The following CCNE2 variants were observed in gnomAD, a reference collection of about 807,000 sequenced individuals.
CCNE2 encodes cyclin E2, also known as G1/S-specific cyclin-E2.
Under a neutral mutation model 56.8 loss-of-function variants are expected in CCNE2, and 18 were observed. The ratio of observed to expected loss-of-function variants is 0.32; its 90% CI spans 0.22 to 0.47. The LOEUF (loss-of-function observed/expected upper bound fraction) is 0.47. Ranked by LOEUF, CCNE2 falls within the 20% of genes least tolerant of loss-of-function variation. The pLI, the probability that CCNE2 is intolerant of heterozygous loss-of-function variation, is 1.00. For synonymous variants in CCNE2, 139 were observed against 149.2 expected (o/e 0.93, Z 0.50); for missense variants, 371 against 467.1 (o/e 0.79, Z 1.90).
In CCNE2 at chr8:94,881,740, T is replaced by A; in HGVS notation, c.1107A>T (p.Glu369Asp). The change falls in exon 12 of 12, where the codon GAA becomes GAT. Residue 369 changes from glutamate (E) to aspartate (D), a missense_variant. By Grantham distance (45) the Glu-to-Asp change is conservative. Transcript: ENST00000308108. ...TTCTGAAGGTGTTTATGTAATTTAC[T>A]TCCTCCTATACATGGGAAGAAATCA... Reference protein sequence around the residue: ...THTNYLAMLEEVNYINTFRKG... With the variant: ...THTNYLAMLEDVNYINTFRKG... 1 of 1,613,840 alleles carries A rather than the reference T, an allele frequency of 6.2e-7. No homozygotes were observed. Among genetic ancestry groups the A allele is most frequent in the Non-Finnish European group, 8.5e-7 (1 of 1,179,836 alleles).
rs745852600 is a variant in CCNE2, at chr8:94,892,970, C to G, written c.166-1G>C. The G allele has an allele frequency of 6.5e-7, 1 of 1,526,784 alleles. No homozygotes were observed. Among genetic ancestry groups the G allele is most frequent in the Non-Finnish European group, 8.7e-7 (1 of 1,150,620 alleles). 94.6% of individuals were successfully genotyped at this position (1,526,784 alleles called of 1,614,324 possible). A position where few individuals can be genotyped will look rare whatever the true frequency, so the allele number is the denominator to read the frequency against. ...CAGATAATACAGGTGGCCAACAATT[C>G]TGTCATAAAAAAAAAGAAAAATATC... is the stretch of plus-strand genomic sequence containing the variant. On this transcript the variant is annotated splice_acceptor_variant, in intron 4 of 11. Transcript: ENST00000308108. LOFTEE classifies it high-confidence loss of function.
At chr8:94,892,354 T>C (rs1301408021) in intron 5 of CCNE2, among the ~76,000 whole-genome samples, 1 of 152,210 alleles carries the variant, frequency 6.6e-6, no homozygotes, top group Non-Finnish European at 1.5e-5. Context: ...CATAAATTAA[T>C]ACAGTACATG....
chr8:94,881,606 C>A lies in CCNE2; in HGVS notation c.*26G>T. ...CAGTTCTACCCAATCTTGGTGAATTCCAACTTGTTTGCTTAGTTATCTTCT... is the reference window on the plus strand; with the variant it reads ...CAGTTCTACCCAATCTTGGTGAATTACAACTTGTTTGCTTAGTTATCTTCT... On this transcript the variant is annotated 3_prime_UTR_variant, in exon 12 of 12. Coordinates refer to ENST00000308108, the MANE Select transcript of CCNE2 (RefSeq NM_057749.3). 1.2e-6 allele frequency: 2 copies of A among 1,609,704 alleles called. No homozygotes were observed. The highest frequency in any genetic ancestry group is 1.7e-6 in the Non-Finnish European group (2 of 1,178,490).
At chr8:94,891,846 A>G in intron 5 of CCNE2, 2 of 1,529,724 alleles carry the variant, frequency 1.3e-6, no homozygotes, top group Admixed American at 1.7e-5. Flanking sequence ...TTAAAAATGC[A>G]GAGAGTAATG....
In CCNE2 at chr8:94,880,666, CT is replaced by C; in HGVS notation, c.*965del. 1 of 391,948 alleles carries C rather than the reference CT, an allele frequency of 2.6e-6. No individual in the cohort carries two copies. Among genetic ancestry groups the C allele is most frequent in the Non-Finnish European group, 4.5e-6 (1 of 222,696 alleles). 24.3% of individuals were successfully genotyped at this position (391,948 alleles called of 1,614,324 possible). On this transcript the variant is annotated 3_prime_UTR_variant, in exon 12 of 12. Transcript: ENST00000308108. ...ATAGAAGTTTAGGTCAAGTGTTAAG[CT>C]TTATCACTTTGACACTGTCCTTATC...
In CCNE2 at chr8:94,880,618, T is replaced by TAATA; in HGVS notation, c.*1010_*1013dup. 2.7e-6 allele frequency: 1 copy of TAATA among 367,062 alleles called. No homozygotes were observed. Among genetic ancestry groups the TAATA allele is most frequent in the Non-Finnish European group, 4.8e-6 (1 of 208,046 alleles). The allele number at this position is 367,062 out of a possible 1,614,324, so 22.7% of individuals were successfully genotyped here. A position where few individuals can be genotyped will look rare whatever the true frequency, so the allele number is the denominator to read the frequency against. On this transcript the variant is annotated 3_prime_UTR_variant, in exon 12 of 12. Transcript: ENST00000308108. ...AGATTTCTAGGAGTCAGTATATATTTAATACTCTTCTTCCTTAAGAAAATA... is the reference window on the plus strand; with the variant it reads ...AGATTTCTAGGAGTCAGTATATATTTAATAAATACTCTTCTTCCTTAAGAAAATA...
chr8:94,893,729 A>G (rs1482046861), intron 4 of CCNE2, 162 bp downstream of exon 4: 6 of 702,554 alleles, frequency 8.5e-6, no homozygotes, highest in African/African-American at 1.8e-5. Flanking sequence ...ATTCGGGCAC[A>G]TAGAAACCAC....
intron 9 of CCNE2, 61 bp downstream of exon 9, chr8:94,885,006 A>G (rs1033475813): frequency 1.4e-6 from 2 of 1,471,970 alleles, no homozygotes; most frequent in Admixed American, 1.8e-5. Flanking sequence ...ATTTAAGACT[A>G]TATATACACT....
At position 94,880,591 on chromosome 8, in the gene CCNE2, A is replaced by G; in HGVS notation, c.*1041T>C. 2.9e-6 allele frequency: 1 copy of G among 340,908 alleles called. No individual in the cohort carries two copies. Among genetic ancestry groups the G allele is most frequent in the Non-Finnish European group, 5.2e-6 (1 of 192,460 alleles). 21.1% of individuals were successfully genotyped at this position (340,908 alleles called of 1,614,324 possible). On this transcript the variant is annotated 3_prime_UTR_variant, in exon 12 of 12. Coordinates refer to ENST00000308108, the MANE Select transcript of CCNE2 (RefSeq NM_057749.3). ...AAGTTTTCATGTCTTTTTTTAATAA[A>G]TAGATTTCTAGGAGTCAGTATATAT...
intron 4 of CCNE2, among the ~76,000 whole-genome samples, chr8:94,893,244 T>C (rs1265350799): frequency 2.0e-5 from 3 of 151,188 alleles, no homozygotes; most frequent in Admixed American, 1.3e-4. Context: ...ACAAAATGCA[T>C]CTGCAGTCTA....
chr8:94,881,190 C>G lies in CCNE2; in HGVS notation c.*442G>C. On this transcript the variant is annotated 3_prime_UTR_variant, in exon 12 of 12. Coordinates refer to ENST00000308108, the MANE Select transcript of CCNE2 (RefSeq NM_057749.3). ...TTTAATTTTCAAGAACCAAATTGCACTAGTCAAGAGTGTAGGAATTTTGAG... is the reference window on the plus strand; with the variant it reads ...TTTAATTTTCAAGAACCAAATTGCAGTAGTCAAGAGTGTAGGAATTTTGAG... 5.3e-6 allele frequency: 2 copies of G among 379,864 alleles called. No homozygotes were observed. Among genetic ancestry groups the G allele is most frequent in the Non-Finnish European group, 9.3e-6 (2 of 214,820 alleles). The allele number at this position is 379,864 out of a possible 1,614,324, so 23.5% of individuals were successfully genotyped here. A position where few individuals can be genotyped will look rare whatever the true frequency, so the allele number is the denominator to read the frequency against.
intron 9 of CCNE2, chr8:94,883,828 T>C: frequency 2.2e-6 from 1 of 454,510 alleles, no homozygotes; most frequent in Non-Finnish European, 4.4e-6. Flanking sequence ...AAGGGGTAGA[T>C]TTCACAGATT....
Position 94,880,754 on chromosome 8 carries a change from C to A in CCNE2, c.*878G>T. On this transcript the variant is annotated 3_prime_UTR_variant, in exon 12 of 12. Transcript: ENST00000308108. ...TCACAAACATAAATAAAGCCTTAGT[C>A]ACACTAAATTAAAAAAAAAAATTCC... 3 of 396,870 alleles carry A rather than the reference C, an allele frequency of 7.6e-6. No homozygotes were observed. In the South Asian group the frequency reaches 4.1e-4, roughly 54 times the overall value. 24.6% of individuals were successfully genotyped at this position (396,870 alleles called of 1,614,324 possible).
At chr8:94,892,231 G>T in intron 5 of CCNE2, 1 of 365,398 alleles carries the variant, frequency 2.7e-6, no homozygotes, top group Non-Finnish European at 5.2e-6. Context: ...CCTCTAAATA[G>T]ATCATCTACA....
chr8:94,880,559 G>A lies in CCNE2; in HGVS notation c.*1073C>T, dbSNP rs561375160. 2 of 314,432 alleles carry A rather than the reference G, an allele frequency of 6.4e-6. No individual in the cohort carries two copies. Among genetic ancestry groups the A allele is most frequent in the Admixed American group, 4.8e-5 (1 of 20,710 alleles). The allele number at this position is 314,432 out of a possible 1,614,324, so 19.5% of individuals were successfully genotyped here. On this transcript the variant is annotated 3_prime_UTR_variant, in exon 12 of 12. Coordinates refer to ENST00000308108, the MANE Select transcript of CCNE2 (RefSeq NM_057749.3). ...AAATATTTAGAAATAGCTAGCCTATGTACAGCAAGTTTTCATGTCTTTTTT... is the reference window on the plus strand; with the variant it reads ...AAATATTTAGAAATAGCTAGCCTATATACAGCAAGTTTTCATGTCTTTTTT...
In CCNE2 at chr8:94,888,082, GA is replaced by G; in HGVS notation, c.454-10del. 2 of 1,515,970 alleles carry G rather than the reference GA, an allele frequency of 1.3e-6. No homozygotes were observed. The highest frequency in any genetic ancestry group is 8.9e-7 in the Non-Finnish European group (1 of 1,127,862). The allele number at this position is 1,515,970 out of a possible 1,614,324, so 93.9% of individuals were successfully genotyped here. On this transcript the variant is annotated splice_polypyrimidine_tract_variant and intron_variant, in intron 6 of 11. Transcript: ENST00000308108. ...GTGTATACTTCACATACCTAGAGAA[GA>G]ATCCAAACATTTAAATATTATCTTC...
rs1296918022 is a variant in CCNE2, at chr8:94,894,059, G to C, written c.75C>G (p.Ala25=). The change falls in exon 3 of 12, where the codon GCC becomes GCG. Residue 25 remains alanine (A), a synonymous_variant. Coordinates refer to ENST00000308108, the MANE Select transcript of CCNE2 (RefSeq NM_057749.3). ...TCCTCTTCTTGGCCTGGATTATCTG[G>C]GCTTCTTGGGGGGATTCCGTCTGGC... The part of the protein sequence containing the change: ...QPSQTESPQE[A]QIIQAKKRKT... The C allele has an allele frequency of 1.2e-6, 2 of 1,613,638 alleles. No homozygotes were observed. The highest frequency in any genetic ancestry group is 1.7e-6 in the Non-Finnish European group (2 of 1,179,806).
upstream of CCNE2, among the ~76,000 whole-genome samples, chr8:94,896,248 G>C (rs1817549736): frequency 6.7e-6 from 1 of 148,164 alleles, no homozygotes; most frequent in South Asian, 2.1e-4. Flanking sequence ...TGCAGGCCCC[G>C]GGCCCGCCTG....
upstream of CCNE2, among the ~76,000 whole-genome samples, chr8:94,895,431 C>T (rs549925620): frequency 1.1e-4 from 17 of 152,276 alleles, no homozygotes; most frequent in South Asian, 3.5e-3. Context: ...CGGCCGGCGG[C>T]GGTAGGGAAA....
Sources: gnomAD v4.1 joint callset for allele counts (sites outside exome capture counted in the v4.1 genomes callset) on GRCh38, gnomAD v4.1.1 for gene constraint, MANE v1.5 for transcripts, NCBI Gene and HGNC (gene_info 2026-07-23, HGNC 2026-07-21) for gene names.